PRMT9: variants seen among roughly 807,000 people sequenced by gnomAD.
PRMT9 encodes the protein protein arginine methyltransferase 9.
Under a neutral mutation model 83.2 loss-of-function variants are expected in PRMT9, and 59 were observed. That is an observed-to-expected ratio of 0.71 (90% CI 0.57 to 0.88). The LOEUF is 0.88. PRMT9 is among the 40% of genes least tolerant of loss of function. The probability of loss-of-function intolerance (pLI) is 0.00; values close to 1 mark genes in which losing one functional copy is unlikely to be tolerated. For missense variants in PRMT9, 947 were observed against 1,021.9 expected (o/e 0.93, Z 1.00); for synonymous variants, 333 against 353.2 (o/e 0.94, Z 0.64).
At position 147,657,791 on chromosome 4, in the gene PRMT9, C is replaced by G. The variant is rs1734621888; in HGVS notation, c.1330+1G>C. 6.2e-7 allele frequency: 1 copy of G among 1,610,664 alleles called. No homozygotes were observed. The highest frequency in any genetic ancestry group is 8.5e-7 in the Non-Finnish European group (1 of 1,178,220). ...TAAAAAAAAAAATGGACAAGACCTA[C>G]CTGCAAGGTCCTGTACGGGGTAGAC... On this transcript the variant is annotated splice_donor_variant, in intron 8 of 11. Transcript: ENST00000322396. LOFTEE classifies it high-confidence loss of function.
intron 6 of PRMT9, among the ~76,000 whole-genome samples, chr4:147,664,721 T>C (rs1043271533): frequency 6.6e-6 from 1 of 152,006 alleles, no homozygotes; most frequent in Non-Finnish European, 1.5e-5. Context: ...GGTTGATAGG[T>C]GCGGCAAACC....
rs929382991 is a variant in PRMT9, at chr4:147,670,558, T to C, written c.846+83A>G. 4 of 958,018 alleles carry C rather than the reference T, an allele frequency of 4.2e-6. No homozygotes were observed. In the Admixed American group the frequency reaches 5.1e-5, roughly 12 times the overall value. 59.3% of individuals were successfully genotyped at this position (958,018 alleles called of 1,614,324 possible). A position where few individuals can be genotyped will look rare whatever the true frequency, so the allele number is the denominator to read the frequency against. On this transcript the variant is annotated intron_variant, in intron 5 of 11. Coordinates refer to ENST00000322396, the MANE Select transcript of PRMT9 (RefSeq NM_138364.4). The stretch of plus-strand genomic sequence containing the variant: ...CAATGGAAAATATATTTCATATTGT[T>C]TTGTAAATATACTAAGGATTCAATA...
At chr4:147,677,445 ATTTTTTTT>A (rs11321232) in intron 2 of PRMT9, among the ~76,000 whole-genome samples, 3 of 70,858 alleles carry the variant, frequency 4.2e-5, no homozygotes, top group South Asian at 1.5e-3. Flanking sequence ...GACAGGTAGA[ATTTTTTTT>A]TTTTTTTTTT....
At chr4:147,644,325 T>G (rs565546140) in intron 9 of PRMT9, among the ~76,000 whole-genome samples, 5 of 150,642 alleles carry the variant, frequency 3.3e-5, no homozygotes, top group African/African-American at 1.2e-4. Flanking sequence ...CTCCAAAGGC[T>G]TAAAAATTAT....
Position 147,673,058 on chromosome 4 carries a change from A to G in PRMT9, c.644T>C (p.Leu215Pro). The G allele has an allele frequency of 6.2e-7, 1 of 1,614,012 alleles. No homozygotes were observed. Among genetic ancestry groups the G allele is most frequent in the Non-Finnish European group, 8.5e-7 (1 of 1,179,906 alleles). Residue 215 changes from leucine (L) to proline (P), a missense_variant, in exon 4 of 12, where the codon CTT becomes CCT. Transcript: ENST00000322396. ...GTTTGCTGCCACGACATCACAGGCA[A>G]GTTCATACATGGTCTTGGATAACTC... ...ACELSKTMYELACDVVAANKM... is the reference protein window; with the variant it reads ...ACELSKTMYEPACDVVAANKM...
Position 147,654,251 on chromosome 4 carries a change from G to A in PRMT9, c.1646C>T (p.Thr549Ile). Residue 549 changes from threonine (T) to isoleucine (I), a missense_variant, in exon 9 of 12, where the codon ACT becomes ATT. Thr to Ile is a moderately conservative substitution (Grantham distance 89). Transcript: ENST00000322396. ...CATGGTCTGATACAGTTTCTCTGGAGTCAGTGAAGACAAAACTTTGCTCAT... is the reference window on the plus strand; with the variant it reads ...CATGGTCTGATACAGTTTCTCTGGAATCAGTGAAGACAAAACTTTGCTCAT... ...MAMSKVLSSL[T>I]PEKLYQTMDT... is the part of the protein sequence containing the mutation. 5.0e-6 allele frequency: 8 copies of A among 1,614,198 alleles called. No homozygotes were observed. The highest frequency in any genetic ancestry group is 5.9e-6 in the Non-Finnish European group (7 of 1,180,012).
At chr4:147,662,927 T>C (rs1735066613) in intron 6 of PRMT9, among the ~76,000 whole-genome samples, 1 of 152,160 alleles carries the variant, frequency 6.6e-6, no homozygotes. Context: ...TTTGCCTTTA[T>C]AAAATTTCAA....
chr4:147,644,578 T>C (rs960367458), intron 9 of PRMT9, among the ~76,000 whole-genome samples: 2 of 142,582 alleles, frequency 1.4e-5, no homozygotes, highest in African/African-American at 2.6e-5. Context: ...TCTTAATAGG[T>C]AGACTATATC....
chr4:147,641,631 T>C (rs1416020604), intron 10 of PRMT9, among the ~76,000 whole-genome samples: 2 of 152,182 alleles, frequency 1.3e-5, no homozygotes, highest in African/African-American at 4.8e-5. Context: ...TCTCTCTTTA[T>C]TTCATAGCCC....
At position 147,670,894 on chromosome 4, in the gene PRMT9, G is replaced by C. The variant is rs1469347737; in HGVS notation, c.744-151C>G. On this transcript the variant is annotated intron_variant, in intron 4 of 11. Coordinates refer to ENST00000322396, the MANE Select transcript of PRMT9 (RefSeq NM_138364.4). ...CATTTCATTTTTAAGATCTACTACT[G>C]AATCTTGAGGAACTTTACTCGAATG... The C allele has an allele frequency of 5.7e-5, 35 of 610,372 alleles. No individual in the cohort carries two copies. In the East Asian group the frequency reaches 9.9e-4, roughly 17 times the overall value. 37.8% of individuals were successfully genotyped at this position (610,372 alleles called of 1,614,324 possible). A position where few individuals can be genotyped will look rare whatever the true frequency, so the allele number is the denominator to read the frequency against.
At chr4:147,665,818 A>ACAT (rs1478014053) in intron 6 of PRMT9, among the ~76,000 whole-genome samples, 2 of 152,224 alleles carry the variant, frequency 1.3e-5, no homozygotes, top group Non-Finnish European at 2.9e-5. Context: ...GGTGACTGTT[A>ACAT]CATCATAATT....
At chr4:147,645,431 G>A (rs1182881838) in intron 9 of PRMT9, among the ~76,000 whole-genome samples, 1 of 152,142 alleles carries the variant, frequency 6.6e-6, no homozygotes, top group African/African-American at 2.4e-5. Flanking sequence ...TGGGGTAATG[G>A]AAAATTTTAA....
At chr4:147,643,805 G>A (rs572029362) in intron 9 of PRMT9, among the ~76,000 whole-genome samples, 7 of 152,118 alleles carry the variant, frequency 4.6e-5, no homozygotes, top group Admixed American at 1.3e-4. Flanking sequence ...CCCCTGCCTG[G>A]GCAACATAGC....
At chr4:147,678,242 T>A (rs1453087319) in intron 2 of PRMT9, among the ~76,000 whole-genome samples, 1 of 152,236 alleles carries the variant, frequency 6.6e-6, no homozygotes. Context: ...AGGTTTTTTT[T>A]AGCTGGATGT....
At chr4:147,681,491 AGAAAG>A (rs1736465361) in intron 1 of PRMT9, among the ~76,000 whole-genome samples, 1 of 152,256 alleles carries the variant, frequency 6.6e-6, no homozygotes, top group African/African-American at 2.4e-5. Context: ...GACAAGGATA[AGAAAG>A]GAGATTCTGG....
At chr4:147,673,588 A>G (rs1213687571) in intron 3 of PRMT9, 50 bp downstream of exon 3, 1 of 1,165,212 alleles carries the variant, frequency 8.6e-7, no homozygotes, top group East Asian at 2.3e-5. Flanking sequence ...AAAATCTTTA[A>G]TTTACATTAG....
chr4:147,657,386 G>A lies in PRMT9; in HGVS notation c.1330+406C>T, dbSNP rs530132847. On this transcript the variant is annotated intron_variant, in intron 8 of 11. Coordinates refer to ENST00000322396, the MANE Select transcript of PRMT9 (RefSeq NM_138364.4). The stretch of plus-strand genomic sequence containing the variant: ...TAAAAATACAAAAAAGTAGCCAGGC[G>A]CAGCAGCGGGCGCCTGTAGTCTCAG... Among the ~76,000 whole-genome samples the A allele has an allele frequency of 1.5e-3, 224 of 152,138 alleles. 1 individual carries two copies. Among genetic ancestry groups the A allele is most frequent in the Non-Finnish European group, 2.7e-3 (184 of 68,010 alleles).
intron 1 of PRMT9, 79 bp downstream of exon 1, chr4:147,683,720 C>CGG: frequency 5.7e-6 from 6 of 1,049,858 alleles, no homozygotes; most frequent in African/African-American, 1.7e-5. Flanking sequence ...AGCCCCTCCG[C>CGG]TTTTTTTTTT....
chr4:147,657,295 G>A (rs1334208238), intron 8 of PRMT9, among the ~76,000 whole-genome samples: 1 of 152,130 alleles, frequency 6.6e-6, no homozygotes, highest in Non-Finnish European at 1.5e-5. Flanking sequence ...GGAGGCCGAG[G>A]TGGGTGGATC....
Sources: allele counts gnomAD v4.1 joint callset (sites outside exome capture counted in the v4.1 genomes callset), GRCh38; gene constraint gnomAD v4.1.1; transcripts MANE v1.5; gene names NCBI Gene and HGNC (gene_info 2026-07-23, HGNC 2026-07-21).